Variants in SPI1 observed in about 807,000 individuals in gnomAD.
SPI1 encodes the protein Spi-1 proto-oncogene.
In SPI1, 3 loss-of-function variants were observed where a neutral mutation model predicts 30.7. That is an observed-to-expected ratio of 0.10 (90% CI 0.04 to 0.25). The LOEUF is 0.25. SPI1 is among the 10% of genes least tolerant of loss of function. SPI1 has a pLI of 1.00. For synonymous variants in SPI1, 169 were observed against 157.1 expected, an observed-to-expected ratio of 1.08 and a Z score of -0.56; for missense variants, 261 against 371.5, an observed-to-expected ratio of 0.70 and a Z score of 2.45.
rs770989166 is a variant in SPI1, at chr11:47,359,832, G to A, written c.330+21C>T. On this transcript the variant is annotated intron_variant, in intron 3 of 4. Transcript: ENST00000378538. The surrounding 1 kb of genome is among the most constrained non-coding windows in gnomAD (Gnocchi z 5.1). ...CAGGCCTGGCAGTCTCCTGGGGGAC[G>A]GGGCAGGCGGTGGCATGCACCTGGT... The A allele has an allele frequency of 2.5e-5, 40 of 1,600,128 alleles. No individual in the cohort carries two copies. In the East Asian group the frequency reaches 3.3e-4, roughly 13 times the overall value.
chr11:47,358,752 G>A, intron 4 of SPI1, 92 bp downstream of exon 4: 1 of 1,268,266 alleles, frequency 7.9e-7, no homozygotes, highest in South Asian at 1.3e-5. Flanking sequence ...CGACTCGGTG[G>A]CGTGGCTGCT....
rs1354674575 is a variant in SPI1, at chr11:47,378,310, G to C, written c.44C>G (p.Pro15Arg). Residue 15 changes from proline (P) to arginine (R), a missense_variant and splice_region_variant, in exon 1 of 5, where the codon CCT (proline) becomes CGT (arginine). By Grantham distance (103) the Pro-to-Arg change is moderately radical. This residue lies in a region of SPI1 where 78 missense variants were observed against 93.2 expected (regional missense o/e 0.84). Coordinates refer to ENST00000378538, the MANE Select transcript of SPI1 (RefSeq NM_003120.3). ...CKMEGFPLVPPPSEDLVPYDT... is the reference protein window; with the variant it reads ...CKMEGFPLVPRPSEDLVPYDT... ...TGGTGGAGGAGTCCCGGTACTCACAGGGGGGACGAGGGGAAACCCTTCCAT... is the reference window on the plus strand; with the variant it reads ...TGGTGGAGGAGTCCCGGTACTCACACGGGGGACGAGGGGAAACCCTTCCAT... The C allele has an allele frequency of 2.5e-6, 4 of 1,613,264 alleles. No homozygotes were observed. Among genetic ancestry groups the C allele is most frequent in the Non-Finnish European group, 3.4e-6 (4 of 1,179,764 alleles).
chr11:47,360,996 C>T (rs1310474583), intron 2 of SPI1, among the ~76,000 whole-genome samples: 1 of 148,504 alleles, frequency 6.7e-6, no homozygotes, highest in East Asian at 2.0e-4. Context: ...TGGCGGGTGC[C>T]TGTAGTCCCA....
chr11:47,376,501 A>T (rs886504437), intron 1 of SPI1, among the ~76,000 whole-genome samples: 2 of 151,542 alleles, frequency 1.3e-5, no homozygotes, highest in African/African-American at 4.9e-5. Context: ...GAGGGCCTTG[A>T]TCCCCTCACT....
At position 47,355,013 on chromosome 11, in the gene SPI1, C is replaced by T. The variant is rs986060678; in HGVS notation, c.*214G>A. On this transcript the variant is annotated 3_prime_UTR_variant, in exon 5 of 5. Coordinates refer to ENST00000378538, the MANE Select transcript of SPI1 (RefSeq NM_003120.3). The stretch of plus-strand genomic sequence containing the variant: ...TGCCCCGGTGGGGTCTGACGCCCAG[C>T]TGGCGTCCGGGAGCCGGGGTGGAGT... The T allele has an allele frequency of 5.7e-6, 2 of 348,414 alleles. No individual in the cohort carries two copies. Among genetic ancestry groups the T allele is most frequent in the Non-Finnish European group, 1.0e-5 (2 of 200,880 alleles). The allele number at this position is 348,414 out of a possible 1,614,324, so 21.6% of individuals were successfully genotyped here. A position where few individuals can be genotyped will look rare whatever the true frequency, so the allele number is the denominator to read the frequency against.
chr11:47,360,007 T>C lies in SPI1; in HGVS notation c.176A>G (p.His59Arg). ...HYWDFHPHHV[H>R]SEFESFAENN... ...CTCGGCGAAGCTCTCGAACTCGCTG[T>C]GCACGTGGTGGGGGTGGAAGTCCCA... The change falls in exon 3 of 5, where the codon CAC becomes CGC. Residue 59 changes from histidine to arginine, a missense_variant. Transcript: ENST00000378538. 6.3e-7 allele frequency: 1 copy of C among 1,594,474 alleles called. No homozygotes were observed. Among genetic ancestry groups the C allele is most frequent in the Non-Finnish European group, 8.6e-7 (1 of 1,168,972 alleles).
chr11:47,378,186 G>A, intron 1 of SPI1, 123 bp downstream of exon 1: 1 of 1,065,870 alleles, frequency 9.4e-7, no homozygotes, highest in Non-Finnish European at 1.4e-6. Context: ...TTCCAGGGAG[G>A]AAACCCTGAC....
chr11:47,361,129 AAAAAAAG>A (rs1446175272), intron 2 of SPI1, among the ~76,000 whole-genome samples: 4 of 152,176 alleles, frequency 2.6e-5, no homozygotes, highest in Non-Finnish European at 4.4e-5. Context: ...TCAAAAAGAA[AAAAAAAG>A]AAAAAAGAAA....
At chr11:47,358,673 C>T in intron 4 of SPI1, 171 bp downstream of exon 4, 2 of 741,206 alleles carry the variant, frequency 2.7e-6, no homozygotes, top group Non-Finnish European at 4.8e-6. Flanking sequence ...CAGATACACA[C>T]ACACAGAGAC....
At chr11:47,378,097 C>G (rs968574841) in intron 1 of SPI1, among the ~76,000 whole-genome samples, 1 of 152,278 alleles carries the variant, frequency 6.6e-6, no homozygotes, top group Non-Finnish European at 1.5e-5. Flanking sequence ...ATCACAGCCC[C>G]ACCGTGGGCC....
At chr11:47,357,987 A>C (rs377658810) in intron 4 of SPI1, among the ~76,000 whole-genome samples, 156 of 151,884 alleles carry the variant, frequency 1.0e-3, no homozygotes, top group Middle Eastern at 3.4e-3. Flanking sequence ...CTCACCCCCC[A>C]CACACACCTG....
In SPI1 at chr11:47,375,190, C is replaced by T. The variant is rs1419475121; in HGVS notation, c.142+443G>A. On this transcript the variant is annotated intron_variant, in intron 2 of 4. Transcript: ENST00000378538. The surrounding 1 kb of genome is among the most constrained non-coding windows in gnomAD (Gnocchi z 4.2). ...TGCCAACCACACATGGCAGGAAGTGCGGATGTGCCGGCGGGGAGTTTGGGA... is the reference window on the plus strand; with the variant it reads ...TGCCAACCACACATGGCAGGAAGTGTGGATGTGCCGGCGGGGAGTTTGGGA... Among the ~76,000 whole-genome samples the T allele has an allele frequency of 6.6e-6, 1 of 152,116 alleles. No individual in the cohort carries two copies. Among genetic ancestry groups the T allele is most frequent in the Non-Finnish European group, 1.5e-5 (1 of 68,028 alleles).
chr11:47,356,446 ACT>A (rs752266483), intron 4 of SPI1, among the ~76,000 whole-genome samples: 9 of 149,096 alleles, frequency 6.0e-5, no homozygotes, highest in African/African-American at 1.7e-4. Context: ...ATGCACACAC[ACT>A]CAGACCCACT....
chr11:47,359,761 G>A lies in SPI1; in HGVS notation c.330+92C>T. ...CACTGTGGGGCAGGAAGCTGAGTTG[G>A]GTAAGAGCCTGTGTCAGCTTCCTGT... On this transcript the variant is annotated intron_variant, in intron 3 of 4. Coordinates refer to ENST00000378538, the MANE Select transcript of SPI1 (RefSeq NM_003120.3). The surrounding 1 kb of genome is among the most constrained non-coding windows in gnomAD (Gnocchi z 5.1). The A allele has an allele frequency of 7.0e-7, 1 of 1,435,858 alleles. No individual in the cohort carries two copies. Among genetic ancestry groups the A allele is most frequent in the Non-Finnish European group, 9.5e-7 (1 of 1,048,218 alleles). 88.9% of individuals were successfully genotyped at this position (1,435,858 alleles called of 1,614,324 possible).
chr11:47,361,552 G>A (rs533285636), intron 2 of SPI1, among the ~76,000 whole-genome samples: 239 of 152,252 alleles, frequency 1.6e-3, no homozygotes, highest in African/African-American at 5.3e-3. Context: ...CTTCCTGGGC[G>A]CAATTCGGGG....
chr11:47,359,958 G>A lies in SPI1; in HGVS notation c.225C>T (p.Ser75=), dbSNP rs775926060. 13 of 1,611,122 alleles carry A rather than the reference G, an allele frequency of 8.1e-6. No individual in the cohort carries two copies. Among genetic ancestry groups the A allele is most frequent in the South Asian group, 3.3e-5 (3 of 91,040 alleles). ...FAENNFTELQ[S]VQPPQLQQLY... is the part of the protein sequence containing the mutation. ...GCTGCTGCAGCTGCGGGGGCTGCAC[G>A]CTCTGGAGCTCCGTGAAGTTGTTCT... Residue 75 remains serine (S), a synonymous_variant, in exon 3 of 5, where the codon AGC becomes AGT. Coordinates refer to ENST00000378538, the MANE Select transcript of SPI1 (RefSeq NM_003120.3). The surrounding 1 kb of genome is among the most constrained non-coding windows in gnomAD (Gnocchi z 5.1).
At chr11:47,358,790 C>T (rs1467404525) in intron 4 of SPI1, 54 bp downstream of exon 4, 27 of 1,532,254 alleles carry the variant, frequency 1.8e-5, no homozygotes, top group Non-Finnish European at 2.1e-5. Context: ...TGGGTGGGGG[C>T]AGGGCACAGA....
chr11:47,362,112 G>A (rs1238126579), intron 2 of SPI1, among the ~76,000 whole-genome samples: 1 of 152,150 alleles, frequency 6.6e-6, no homozygotes, highest in African/African-American at 2.4e-5. Context: ...GTCCTCATCT[G>A]TTAAATGGGG....
At chr11:47,364,836 C>A (rs940426782) in intron 2 of SPI1, among the ~76,000 whole-genome samples, 2 of 152,052 alleles carry the variant, frequency 1.3e-5, no homozygotes, top group African/African-American at 4.8e-5. Context: ...TGCTGGAGAC[C>A]CACTGAAGCA....
Sources: allele counts gnomAD v4.1 joint callset (sites outside exome capture counted in the v4.1 genomes callset), GRCh38; gene constraint gnomAD v4.1.1; regional missense constraint gnomAD v4.1.1; non-coding constraint Gnocchi (gnomAD v3.1); transcripts MANE v1.5; gene names NCBI Gene and HGNC (gene_info 2026-07-23, HGNC 2026-07-21).